Variants in TECRL observed in about 807,000 individuals in gnomAD.
TECRL encodes the protein trans-2,3-enoyl-CoA reductase-like.
Under a neutral mutation model 52.8 loss-of-function variants are expected in TECRL, and 63 were observed. The ratio of observed to expected loss-of-function variants is 1.19; its 90% CI spans 0.97 to 1.47. TECRL has a LOEUF of 1.47. Among genes scored for constraint, TECRL ranks in the 40% most tolerant of loss-of-function variants. The probability of loss-of-function intolerance (pLI) is 0.00; values close to 1 mark genes in which losing one functional copy is unlikely to be tolerated. For synonymous variants in TECRL, 164 were observed against 141.9 expected, an observed-to-expected ratio of 1.16 and a Z score of -1.10; for missense variants, 482 against 429.6, an observed-to-expected ratio of 1.12 and a Z score of -1.08.
At chr4:64,361,592 G>C (rs542268243) in intron 2 of TECRL, among the ~76,000 whole-genome samples, 1 of 152,226 alleles carries the variant, frequency 6.6e-6, no homozygotes, top group East Asian at 1.9e-4. Context: ...TGCAGCCCAG[G>C]AGTGCTGAGC....
chr4:64,313,786 C>G (rs1306243268), intron 5 of TECRL, among the ~76,000 whole-genome samples: 2 of 150,736 alleles, frequency 1.3e-5, no homozygotes, highest in East Asian at 4.0e-4. Flanking sequence ...GGCTGCCTTA[C>G]TCTTTTTTTG....
chr4:64,276,319 C>A (rs1722573790), downstream of TECRL: 1 of 151,678 alleles, frequency 6.6e-6, no homozygotes, highest in African/African-American at 2.4e-5. Context: ...GAGAATATAT[C>A]TTTTATTTAT....
At chr4:64,362,879 C>A (rs139607052) in intron 2 of TECRL, among the ~76,000 whole-genome samples, 180 of 151,772 alleles carry the variant, frequency 1.2e-3, no homozygotes, top group African/African-American at 4.1e-3. Context: ...GTCTAAATAC[C>A]CATTAAAAAT....
chr4:64,325,349 T>G (rs543767426), intron 3 of TECRL, among the ~76,000 whole-genome samples: 5 of 152,318 alleles, frequency 3.3e-5, no homozygotes, highest in African/African-American at 1.2e-4. Flanking sequence ...TGCTATTTCT[T>G]TGGAGCACCA....
chr4:64,307,596 A>G (rs750186675), intron 6 of TECRL, among the ~76,000 whole-genome samples: 43 of 152,082 alleles, frequency 2.8e-4, no homozygotes, highest in African/African-American at 7.5e-4. Context: ...GTAACAATCC[A>G]TCTTCAGCCT....
Position 64,278,344 on chromosome 4 carries a change from A to G in TECRL, c.*1728T>C, listed in dbSNP as rs547666356. 79 of 181,442 alleles carry G rather than the reference A, an allele frequency of 4.4e-4. No homozygotes were observed. The Middle Eastern group carries it at 0.021, about 49-fold the overall frequency. The allele number at this position is 181,442 out of a possible 1,614,324, so 11.2% of individuals were successfully genotyped here. On this transcript the variant is annotated 3_prime_UTR_variant, in exon 12 of 12. Transcript: ENST00000381210. ...AATTTGAACTAATGACATAATACCT[A>G]TGACACATCTCACTAACAGATTGAA...
intron 3 of TECRL, among the ~76,000 whole-genome samples, chr4:64,324,037 T>G (rs1270157558): frequency 2.6e-5 from 4 of 152,130 alleles, no homozygotes; most frequent in Middle Eastern, 3.4e-3. Flanking sequence ...AAGAAAGGAA[T>G]GAAAACACAC....
rs1722734189 is a variant in TECRL at position 64,279,973 on chromosome 4, C to T, written c.*99G>A. 1.4e-6 allele frequency: 2 copies of T among 1,446,020 alleles called. No homozygotes were observed. The highest frequency in any genetic ancestry group is 2.8e-5 in the Admixed American group (1 of 35,196). 89.6% of individuals were successfully genotyped at this position (1,446,020 alleles called of 1,614,324 possible). A position where few individuals can be genotyped will look rare whatever the true frequency, so the allele number is the denominator to read the frequency against. The stretch of plus-strand genomic sequence containing the variant: ...TTTTTACTCAGTGTATATACTGTTG[C>T]TCATGAATTGTTGGAGTATAATAGT... On this transcript the variant is annotated 3_prime_UTR_variant, in exon 12 of 12. Coordinates refer to ENST00000381210, the MANE Select transcript of TECRL (RefSeq NM_001010874.5).
At chr4:64,303,788 A>G (rs1724157251) in intron 7 of TECRL, among the ~76,000 whole-genome samples, 1 of 151,866 alleles carries the variant, frequency 6.6e-6, no homozygotes, top group African/African-American at 2.4e-5. Flanking sequence ...TAACTAAAGC[A>G]TAATAGCTGT....
At chr4:64,408,527 G>A (rs1039988700) in intron 1 of TECRL, among the ~76,000 whole-genome samples, 32 of 151,866 alleles carry the variant, frequency 2.1e-4, no homozygotes, top group Admixed American at 1.8e-3. Flanking sequence ...GGATTTGGAC[G>A]AGTAACATTT....
At chr4:64,337,441 A>G (rs1465279395) in intron 2 of TECRL, among the ~76,000 whole-genome samples, 3 of 152,180 alleles carry the variant, frequency 2.0e-5, no homozygotes, top group African/African-American at 7.2e-5. Context: ...ATTAGGCAGG[A>G]GAAAGAAATA....
At chr4:64,405,579 T>A (rs757091626) in intron 1 of TECRL, among the ~76,000 whole-genome samples, 5 of 152,124 alleles carry the variant, frequency 3.3e-5, no homozygotes, top group Non-Finnish European at 5.9e-5. Context: ...TCCAGATAGC[T>A]CAATAGATTA....
At chr4:64,359,089 T>A (rs1043668898) in intron 2 of TECRL, among the ~76,000 whole-genome samples, 3 of 151,482 alleles carry the variant, frequency 2.0e-5, no homozygotes, top group Non-Finnish European at 4.4e-5. Flanking sequence ...TTTCTGAAAA[T>A]TTTTTTAAAG....
At chr4:64,312,657 T>G (rs185770844) in intron 5 of TECRL, among the ~76,000 whole-genome samples, 1 of 152,012 alleles carries the variant, frequency 6.6e-6, no homozygotes, top group Non-Finnish European at 1.5e-5. Context: ...TCTCAGCTAC[T>G]TAGGGGGCTG....
At chr4:64,357,819 AT>A (rs1252994377) in intron 2 of TECRL, among the ~76,000 whole-genome samples, 3 of 151,640 alleles carry the variant, frequency 2.0e-5, no homozygotes, top group South Asian at 2.1e-4. Context: ...TTTGAAATTC[AT>A]TTTTTTCAGA....
chr4:64,384,127 C>T (rs1357481855), intron 1 of TECRL, among the ~76,000 whole-genome samples: 5 of 151,956 alleles, frequency 3.3e-5, no homozygotes, highest in African/African-American at 4.8e-5. Context: ...AGCAGCAGGC[C>T]ATGTGTGCCA....
At chr4:64,356,178 T>C (rs780125785) in intron 2 of TECRL, among the ~76,000 whole-genome samples, 15 of 152,196 alleles carry the variant, frequency 9.9e-5, no homozygotes, top group African/African-American at 1.4e-4. Context: ...TGCAGAAAGC[T>C]GCAGAGACCT....
rs189621500 is a variant in TECRL at position 64,368,540 on chromosome 4, C to T, written c.286+6632G>A. On this transcript the variant is annotated intron_variant, in intron 2 of 11. Coordinates refer to ENST00000381210, the MANE Select transcript of TECRL (RefSeq NM_001010874.5). Reference sequence around the variant, plus strand: ...CAAACTCCTGACCTCATGATCCGCCCGCCTTGGCCTCCGAAAGTGCTGGGA... The same window carrying T: ...CAAACTCCTGACCTCATGATCCGCCTGCCTTGGCCTCCGAAAGTGCTGGGA... Among the ~76,000 whole-genome samples the T allele has an allele frequency of 3.4e-3, 524 of 152,202 alleles. 5 individuals are homozygous for T. The highest frequency in any genetic ancestry group is 5.4e-3 in the Non-Finnish European group (368 of 68,014).
chr4:64,375,006 C>G (rs186225159), intron 2 of TECRL, among the ~76,000 whole-genome samples, 166 bp downstream of exon 2: 1 of 152,022 alleles, frequency 6.6e-6, no homozygotes, highest in Non-Finnish European at 1.5e-5. Context: ...GAGTTAAATG[C>G]TAGAATATTT....
Sources: gnomAD v4.1 joint callset for allele counts (sites outside exome capture counted in the v4.1 genomes callset) on GRCh38, gnomAD v4.1.1 for gene constraint, MANE v1.5 for transcripts, NCBI Gene and HGNC (gene_info 2026-07-23, HGNC 2026-07-21) for gene names.